The following MEI4 variants were observed in gnomAD, a reference collection of about 807,000 sequenced individuals.
MEI4 encodes meiosis-specific protein MEI4.
A neutral mutation model predicts 31.4 loss-of-function variants in MEI4; 27 were observed. The observed-to-expected ratio is 0.86, with a 90% CI of 0.63 to 1.19. MEI4 has a LOEUF of 1.19. Among genes scored for constraint, MEI4 ranks in the 50% most tolerant of loss-of-function variants. The probability of loss-of-function intolerance (pLI) is 0.00; values close to 1 mark genes in which losing one functional copy is unlikely to be tolerated. For synonymous variants in MEI4, 122 were observed against 145.4 expected, an observed-to-expected ratio of 0.84 and a Z score of 1.16; for missense variants, 329 against 398.9, an observed-to-expected ratio of 0.82 and a Z score of 1.49.
chr6:77,721,133 G>A (rs1195864482), intron 2 of MEI4, among the ~76,000 whole-genome samples: 7 of 102,008 alleles, frequency 6.9e-5, no homozygotes, highest in Admixed American at 1.0e-4. Context: ...AAAGGTTCAC[G>A]TCTGGTAATT....
chr6:77,787,795 A>G (rs1445458171), intron 3 of MEI4, among the ~76,000 whole-genome samples: 2 of 152,218 alleles, frequency 1.3e-5, no homozygotes, highest in Admixed American at 6.5e-5. Context: ...CAGCACAGAT[A>G]TATAACCACA....
intron 4 of MEI4, among the ~76,000 whole-genome samples, chr6:77,859,437 G>T (rs917342857): frequency 2.6e-5 from 4 of 152,058 alleles, no homozygotes; most frequent in African/African-American, 7.2e-5. Context: ...TTGAGGAATC[G>T]CCATACTGTC....
intron 4 of MEI4, among the ~76,000 whole-genome samples, chr6:77,879,597 A>G (rs961465793): frequency 1.3e-5 from 2 of 152,206 alleles, no homozygotes; most frequent in Non-Finnish European, 2.9e-5. Flanking sequence ...TCAATATTAA[A>G]GTTGAAAAAT....
chr6:77,814,669 T>G (rs185318584), intron 3 of MEI4, among the ~76,000 whole-genome samples: 279 of 152,262 alleles, frequency 1.8e-3, no homozygotes, highest in Admixed American at 3.3e-3. Flanking sequence ...CCTTACCTTA[T>G]GTAAAGTGCC....
At chr6:77,852,537 A>C (rs1316631826) in intron 4 of MEI4, among the ~76,000 whole-genome samples, 1 of 144,660 alleles carries the variant, frequency 6.9e-6, no homozygotes, top group Non-Finnish European at 1.5e-5. Context: ...ACCAACTTTT[A>C]TTTTTTTGCT....
rs1769788746 is a variant in MEI4 at position 77,820,414 on chromosome 6, A to T, written c.769-8517A>T. ...GTAGCTGGGACTACAGGCACACGCC[A>T]CCATGCCCCCCTGGCTAATTTTGTG... On this transcript the variant is annotated intron_variant, in intron 3 of 4. Transcript: ENST00000684080. This position sits in a 1 kb window ranked among gnomAD's most constrained non-coding sequence, Gnocchi z 4.5. 1.3e-5 allele frequency among the ~76,000 whole-genome samples: 2 copies of T among 150,892 alleles called. No homozygotes were observed. Among genetic ancestry groups the T allele is most frequent in the African/African-American group, 4.8e-5 (2 of 41,342 alleles).
chr6:77,681,304 A>G (rs2127649224), intron 1 of MEI4, among the ~76,000 whole-genome samples: 1 of 152,340 alleles, frequency 6.6e-6, no homozygotes, highest in African/African-American at 2.4e-5. Context: ...AAGTTTATGA[A>G]TTTGAGTTAT....
intron 1 of MEI4, among the ~76,000 whole-genome samples, chr6:77,684,356 G>T (rs1373840062): frequency 6.6e-6 from 1 of 152,022 alleles, no homozygotes; most frequent in East Asian, 1.9e-4. Flanking sequence ...TGCAGTTTCT[G>T]TCCCCTCAAA....
intron 3 of MEI4, among the ~76,000 whole-genome samples, chr6:77,806,763 A>G (rs1769451257): frequency 1.3e-5 from 2 of 152,068 alleles, no homozygotes; most frequent in Admixed American, 6.6e-5. Context: ...TGTTTTATGG[A>G]ATTTGTTTAT....
chr6:77,911,170 A>ATT (rs765350816), intron 4 of MEI4, among the ~76,000 whole-genome samples: 42 of 152,140 alleles, frequency 2.8e-4, no homozygotes, highest in Non-Finnish European at 3.7e-4. Context: ...ATATTAGTCC[A>ATT]TTTATTTAGA....
In MEI4 at chr6:77,820,912, T is replaced by G. The variant is rs910200987; in HGVS notation, c.769-8019T>G. ...TCTCCAGTAGTCTCTCTTAGTTTTT[T>G]TCTTTTTCTTTTTTTGAATTCTATT... is the stretch of plus-strand genomic sequence containing the variant. On this transcript the variant is annotated intron_variant, in intron 3 of 4. Transcript: ENST00000684080. The surrounding 1 kb of genome is among the most constrained non-coding windows in gnomAD (Gnocchi z 4.5). Among the ~76,000 whole-genome samples the G allele has an allele frequency of 6.6e-6, 1 of 151,980 alleles. No individual in the cohort carries two copies. The highest frequency in any genetic ancestry group is 1.5e-5 in the Non-Finnish European group (1 of 67,980).
chr6:77,905,475 C>CTTTTTTTTTTTTTTTTTTTTTTTTTTT (rs70974691), intron 4 of MEI4, among the ~76,000 whole-genome samples: 1 of 93,348 alleles, frequency 1.1e-5, no homozygotes, highest in Non-Finnish European at 2.1e-5. Context: ...AAATTTTCAG[C>CTTTTTTTTTTTTTTTTTTTTTTTTTTT]TTTTTTTTTT....
At chr6:77,673,036 A>G (rs977761338) in intron 1 of MEI4, among the ~76,000 whole-genome samples, 2 of 152,202 alleles carry the variant, frequency 1.3e-5, no homozygotes, top group Non-Finnish European at 2.9e-5. Flanking sequence ...CCATTGCTAG[A>G]AGAGTGAACA....
At chr6:77,676,202 T>A (rs1212071502) in intron 1 of MEI4, among the ~76,000 whole-genome samples, 1 of 152,212 alleles carries the variant, frequency 6.6e-6, no homozygotes. Flanking sequence ...CCTCTTAATT[T>A]ATCCATCATC....
At chr6:77,755,505 A>C (rs991457696) in intron 2 of MEI4, among the ~76,000 whole-genome samples, 6 of 150,952 alleles carry the variant, frequency 4.0e-5, no homozygotes, top group African/African-American at 1.5e-4. Flanking sequence ...TGAAACCTCC[A>C]CCTCCCATGT....
At chr6:77,875,892 T>G (rs927632962) in intron 4 of MEI4, among the ~76,000 whole-genome samples, 1 of 152,172 alleles carries the variant, frequency 6.6e-6, no homozygotes, top group Non-Finnish European at 1.5e-5. Flanking sequence ...GTTGAAGTCT[T>G]TATTTTTTTG....
At chr6:77,770,665 G>T (rs1376472370) in intron 3 of MEI4, among the ~76,000 whole-genome samples, 1 of 152,064 alleles carries the variant, frequency 6.6e-6, no homozygotes, top group Non-Finnish European at 1.5e-5. Flanking sequence ...TAAACCAATG[G>T]AATAGAATAA....
intron 4 of MEI4, among the ~76,000 whole-genome samples, chr6:77,875,248 A>G (rs142760964): frequency 2.2e-3 from 338 of 152,276 alleles, no homozygotes; most frequent in African/African-American, 7.4e-3. Flanking sequence ...ATGCATATGT[A>G]TGTTTATCTA....
At chr6:77,760,361 T>C (rs985114585) in intron 2 of MEI4, among the ~76,000 whole-genome samples, 10 of 152,116 alleles carry the variant, frequency 6.6e-5, no homozygotes, top group African/African-American at 2.4e-4. Context: ...TCTTATATTA[T>C]TCAAGTTGGA....
Sources: gnomAD v4.1 joint callset for allele counts (sites outside exome capture counted in the v4.1 genomes callset) on GRCh38, gnomAD v4.1.1 for gene constraint, Gnocchi (gnomAD v3.1) non-coding constraint, MANE v1.5 for transcripts, NCBI Gene and HGNC (gene_info 2026-07-23, HGNC 2026-07-21) for gene names.